PDE12: variants seen among roughly 807,000 people sequenced by gnomAD.
PDE12 encodes the protein phosphodiesterase 12, also known as 2',5'-phosphodiesterase 12.
A neutral mutation model predicts 45.4 loss-of-function variants in PDE12; 26 were observed. That is an observed-to-expected ratio of 0.57 (90% CI 0.42 to 0.79). The LOEUF (loss-of-function observed/expected upper bound fraction) is 0.79, where lower values mean the gene tolerates loss of function less well. Ranked by LOEUF, PDE12 falls within the 30% of genes least tolerant of loss-of-function variation. PDE12 has a pLI of 0.00. For missense variants in PDE12, 668 were observed against 790.0 expected (o/e 0.85, Z 1.85); for synonymous variants, 283 against 323.9 (o/e 0.87, Z 1.36).
Position 57,556,401 on chromosome 3 carries a change from C to G in PDE12, c.22C>G (p.Arg8Gly). MWRLPGA[R>G]AALRVIRTAV... ...GTTCATGTGGAGGCTCCCAGGCGCC[C>G]GCGCCGCGCTTCGGGTGATCCGGAC... is the stretch of plus-strand genomic sequence containing the variant. The change falls in exon 1 of 3, where the codon CGC (arginine) becomes GGC (glycine). Residue 8 changes from arginine to glycine, a missense_variant. By Grantham distance (125) the Arg-to-Gly change is moderately radical. Around this residue, in one of 3 missense-constraint regions of PDE12, gnomAD observed 580 missense variants for 662.9 expected, o/e 0.87. Coordinates refer to ENST00000311180, the MANE Select transcript of PDE12 (RefSeq NM_177966.7). The surrounding 1 kb of genome is among the most constrained non-coding windows in gnomAD (Gnocchi z 5.0). 6.3e-7 allele frequency: 1 copy of G among 1,595,530 alleles called. No homozygotes were observed. The highest frequency in any genetic ancestry group is 2.3e-5 in the East Asian group (1 of 43,872).
the PDE12 span, among the ~76,000 whole-genome samples, chr3:57,636,829 C>T: frequency 2.0e-5 from 3 of 150,514 alleles, no homozygotes; most frequent in Non-Finnish European, 4.4e-5. Flanking sequence ...CCCAGCTACT[C>T]GGGAGGCTGA....
the PDE12 span, chr3:57,630,891 T>TA: frequency 6.2e-7 from 1 of 1,611,538 alleles, no homozygotes; most frequent in South Asian, 1.1e-5. Flanking sequence ...TAATTACAGT[T>TA]AGAGGACCCA....
At chr3:57,575,305 CAAAA>C in the PDE12 span, among the ~76,000 whole-genome samples, 2 of 134,996 alleles carry the variant, frequency 1.5e-5, no homozygotes, top group Admixed American at 7.3e-5. Flanking sequence ...CCTCTCCCTT[CAAAA>C]AAAAAAAAAA....
At chr3:57,635,577 TTATAA>T in the PDE12 span, among the ~76,000 whole-genome samples, 1 of 152,124 alleles carries the variant, frequency 6.6e-6, no homozygotes, top group Non-Finnish European at 1.5e-5. Context: ...ATTATAGAGA[TTATAA>T]TATAATTGAA....
Position 57,559,611 on chromosome 3 carries a change from A to T in PDE12, c.1437A>T (p.Arg479Ser), listed in dbSNP as rs756584207. The T allele has an allele frequency of 4.3e-6, 7 of 1,613,384 alleles. No homozygotes were observed. The highest frequency in any genetic ancestry group is 5.9e-6 in the Non-Finnish European group (7 of 1,179,352). Reference protein sequence around the residue: ...IQMAVALAHIRHVSCDLYPGI... With the variant: ...IQMAVALAHISHVSCDLYPGI... ...TGGCAGTAGCCTTGGCTCACATAAG[A>T]CATGTTTCATGTGATCTGTATCCTG... Residue 479 changes from arginine (R) to serine (S), a missense_variant, in exon 3 of 3, where the codon AGA (arginine) becomes AGT (serine). Around this residue, in one of 3 missense-constraint regions of PDE12, gnomAD observed 580 missense variants for 662.9 expected, o/e 0.87. Coordinates refer to ENST00000311180, the MANE Select transcript of PDE12 (RefSeq NM_177966.7).
intron 1 of PDE12, among the ~76,000 whole-genome samples, chr3:57,558,004 A>G (rs144790117): frequency 1.3e-5 from 2 of 152,334 alleles, no homozygotes; most frequent in East Asian, 3.9e-4. Context: ...CTACTTGCCA[A>G]GCACTGTTCT....
chr3:57,606,124 G>A, the PDE12 span, among the ~76,000 whole-genome samples: 4 of 152,182 alleles, frequency 2.6e-5, no homozygotes, highest in East Asian at 1.9e-4. Flanking sequence ...TAAACCACAC[G>A]TATAGATGCT....
At chr3:57,602,251 C>T in the PDE12 span, among the ~76,000 whole-genome samples, 1 of 152,094 alleles carries the variant, frequency 6.6e-6, no homozygotes, top group Non-Finnish European at 1.5e-5. Context: ...TGTTGTAGTC[C>T]CCTTATTCAT....
At chr3:57,653,094 G>A in the PDE12 span, among the ~76,000 whole-genome samples, 1 of 152,148 alleles carries the variant, frequency 6.6e-6, no homozygotes, top group Non-Finnish European at 1.5e-5. Context: ...AGGGCACCAA[G>A]TCGCCAGCTT....
At chr3:57,624,593 G>C in the PDE12 span, among the ~76,000 whole-genome samples, 1 of 151,492 alleles carries the variant, frequency 6.6e-6, no homozygotes, top group Admixed American at 6.6e-5. Flanking sequence ...GTGAAACCCC[G>C]TCTCTACTAA....
the PDE12 span, chr3:57,596,895 G>A: frequency 8.0e-6 from 5 of 622,630 alleles, no homozygotes; most frequent in Non-Finnish European, 1.4e-5. Flanking sequence ...CAGATCGGGG[G>A]CGGGGGGGAT....
the PDE12 span, chr3:57,628,778 T>A: frequency 6.3e-7 from 1 of 1,595,212 alleles, no homozygotes; most frequent in South Asian, 1.1e-5. Context: ...CAAAGAAAAG[T>A]CAATTTAATC....
chr3:57,655,852 C>T, the PDE12 span, among the ~76,000 whole-genome samples: 2 of 152,154 alleles, frequency 1.3e-5, no homozygotes, highest in South Asian at 2.1e-4. Flanking sequence ...AACAATAAAG[C>T]GTAAGACTCA....
chr3:57,613,419 A>C, the PDE12 span, among the ~76,000 whole-genome samples: 3 of 149,658 alleles, frequency 2.0e-5, no homozygotes, highest in African/African-American at 7.4e-5. Flanking sequence ...TCAGCCTCCC[A>C]AGTAGCTGCG....
rs757087077 is a variant in PDE12 at position 57,557,529 on chromosome 3, A to G, written c.1150A>G (p.Thr384Ala). The G allele has an allele frequency of 1.2e-6, 2 of 1,614,122 alleles. No homozygotes were observed. The highest frequency in any genetic ancestry group is 1.7e-6 in the Non-Finnish European group (2 of 1,180,040). ...AATCAAGCAGCACGAAGGCCTGGCC[A>G]CTTTCTACCGAAAGTCTAAGTTCAG... ...FRIKQHEGLA[T>A]FYRKSKFSLL... The change falls in exon 1 of 3, where the codon ACT (threonine) becomes GCT (alanine). Residue 384 changes from threonine to alanine, a missense_variant. This residue lies in a region of PDE12 where 580 missense variants were observed against 662.9 expected (regional missense o/e 0.87). Transcript: ENST00000311180.
the PDE12 span, among the ~76,000 whole-genome samples, chr3:57,623,803 G>A: frequency 2.6e-5 from 4 of 152,242 alleles, no homozygotes; most frequent in Admixed American, 6.5e-5. Flanking sequence ...TGGCTGACAT[G>A]GAAAGGGACA....
chr3:57,627,947 T>C, the PDE12 span: 1 of 301,994 alleles, frequency 3.3e-6, no homozygotes, highest in South Asian at 7.1e-5. Context: ...CACAAGTCTC[T>C]CATAAGAGCA....
chr3:57,570,219 G>GTTTTTTTTT (rs34599005), downstream of PDE12, among the ~76,000 whole-genome samples: 5 of 102,328 alleles, frequency 4.9e-5, no homozygotes, highest in East Asian at 2.9e-4. Context: ...TTAATCCAGT[G>GTTTTTTTTT]TTTTTTTTTT....
At chr3:57,593,544 C>T in the PDE12 span, among the ~76,000 whole-genome samples, 1 of 152,228 alleles carries the variant, frequency 6.6e-6, no homozygotes, top group East Asian at 1.9e-4. Flanking sequence ...CTACACTACA[C>T]TGATATCAGC....
Sources: gnomAD v4.1 joint callset for allele counts (sites outside exome capture counted in the v4.1 genomes callset) on GRCh38, gnomAD v4.1.1 for gene constraint, gnomAD v4.1.1 regional missense constraint, Gnocchi (gnomAD v3.1) non-coding constraint, MANE v1.5 for transcripts, NCBI Gene and HGNC (gene_info 2026-07-23, HGNC 2026-07-21) for gene names.